MSRB3: variants seen among roughly 807,000 people sequenced by gnomAD.
The protein encoded by MSRB3 is methionine sulfoxide reductase B3, also known as methionine-R-sulfoxide reductase B3.
Under a neutral mutation model 21.0 loss-of-function variants are expected in MSRB3, and 13 were observed. The ratio of observed to expected loss-of-function variants is 0.62; its 90% CI spans 0.40 to 0.98. MSRB3 has a LOEUF of 0.98. Ranked by LOEUF, MSRB3 falls within the 50% of genes least tolerant of loss-of-function variation. The pLI is 0.00. For synonymous variants in MSRB3, 87 were observed against 88.6 expected (o/e 0.98, Z 0.10); for missense variants, 199 against 230.3 (o/e 0.86, Z 0.88).
At chr12:65,355,133 G>A (rs1378170513) in intron 4 of MSRB3, among the ~76,000 whole-genome samples, 1 of 151,822 alleles carries the variant, frequency 6.6e-6, no homozygotes, top group African/African-American at 2.4e-5. Flanking sequence ...TTCTCCTTCT[G>A]GGGGATAGGA....
chr12:65,435,818 C>T (rs1429057125), intron 5 of MSRB3, among the ~76,000 whole-genome samples: 1 of 151,630 alleles, frequency 6.6e-6, no homozygotes. Context: ...AGTTAGTAAC[C>T]CAAGGTCTGT....
At chr12:65,409,728 C>A (rs1040129651) in intron 5 of MSRB3, among the ~76,000 whole-genome samples, 12 of 152,036 alleles carry the variant, frequency 7.9e-5, no homozygotes, top group African/African-American at 2.9e-4. Flanking sequence ...TACTTCAAAG[C>A]CATATTATCA....
chr12:65,399,191 T>C (rs2136597835), intron 5 of MSRB3, among the ~76,000 whole-genome samples: 1 of 152,332 alleles, frequency 6.6e-6, no homozygotes. Flanking sequence ...ATAAATTACT[T>C]TGAGCCGTAC....
At chr12:65,325,357 G>A (rs957604306) in intron 2 of MSRB3, among the ~76,000 whole-genome samples, 1 of 152,208 alleles carries the variant, frequency 6.6e-6, no homozygotes, top group African/African-American at 2.4e-5. Flanking sequence ...GATCTTTGCA[G>A]GCCAGGGAAG....
chr12:65,422,281 A>G (rs1881341845), intron 5 of MSRB3, among the ~76,000 whole-genome samples: 1 of 151,532 alleles, frequency 6.6e-6, no homozygotes, highest in East Asian at 1.9e-4. Context: ...TAGTAGGGTA[A>G]GACTTCAGCA....
intron 1 of MSRB3, among the ~76,000 whole-genome samples, chr12:65,281,243 C>T (rs1871998443): frequency 6.6e-6 from 1 of 151,932 alleles, no homozygotes; most frequent in South Asian, 2.1e-4. Flanking sequence ...TTTATCTGCA[C>T]CTGTATAATT....
At chr12:65,329,561 A>G (rs927633636) in intron 4 of MSRB3, among the ~76,000 whole-genome samples, 45 of 152,166 alleles carry the variant, frequency 3.0e-4, no homozygotes, top group African/African-American at 1.0e-3. Context: ...GAGGCAGGAG[A>G]ATCACTTGAA....
chr12:65,366,178 G>A (rs1315264354), intron 4 of MSRB3, among the ~76,000 whole-genome samples: 1 of 152,180 alleles, frequency 6.6e-6, no homozygotes, highest in Non-Finnish European at 1.5e-5. Flanking sequence ...ATGTGAAGAA[G>A]TATTGAGACA....
intron 5 of MSRB3, among the ~76,000 whole-genome samples, chr12:65,386,473 A>G (rs908568309): frequency 6.6e-6 from 1 of 151,940 alleles, no homozygotes; most frequent in African/African-American, 2.4e-5. Context: ...AATTTAGTTT[A>G]TAACTCATTT....
intron 1 of MSRB3, among the ~76,000 whole-genome samples, chr12:65,297,405 A>T (rs1277314176): frequency 6.6e-6 from 1 of 152,138 alleles, no homozygotes; most frequent in Non-Finnish European, 1.5e-5. Context: ...AATAGAATCC[A>T]TTCTGCATAT....
chr12:65,361,603 A>T (rs1877710788), intron 4 of MSRB3, among the ~76,000 whole-genome samples: 1 of 152,042 alleles, frequency 6.6e-6, no homozygotes, highest in African/African-American at 2.4e-5. Flanking sequence ...GTTCTCCCAG[A>T]TATTAATGTT....
intron 5 of MSRB3, among the ~76,000 whole-genome samples, chr12:65,403,789 G>A (rs780029454): frequency 6.6e-6 from 1 of 152,164 alleles, no homozygotes; most frequent in Non-Finnish European, 1.5e-5. Flanking sequence ...TGGAAAACAC[G>A]CAGTATCTGT....
intron 1 of MSRB3, among the ~76,000 whole-genome samples, chr12:65,295,346 A>C (rs1234421684): frequency 6.6e-6 from 1 of 152,218 alleles, no homozygotes; most frequent in Non-Finnish European, 1.5e-5. Flanking sequence ...GTAGATCCAC[A>C]TGACTATTGT....
rs201563025 is a variant in MSRB3 at position 65,404,174 on chromosome 12, C to G, written c.292+35148C>G. Among the ~76,000 whole-genome samples the G allele has an allele frequency of 5.9e-5, 9 of 152,206 alleles. No homozygotes were observed. The East Asian group carries it at 1.5e-3, about 26-fold the overall frequency. ...CACTACAATCTCAAATTCCTGTGCT[C>G]AAGTTATTTTCTTGCTTCACCTTTT... On this transcript the variant is annotated intron_variant, in intron 5 of 6. Coordinates refer to ENST00000308259, the MANE Select transcript of MSRB3 (RefSeq NM_001031679.3).
At chr12:65,331,034 G>A (rs768863207) in intron 4 of MSRB3, among the ~76,000 whole-genome samples, 6 of 152,120 alleles carry the variant, frequency 3.9e-5, no homozygotes, top group Non-Finnish European at 8.8e-5. Context: ...AAATTATATG[G>A]TGGACTTCAT....
At chr12:65,410,846 A>G (rs1222657660) in intron 5 of MSRB3, among the ~76,000 whole-genome samples, 1 of 152,190 alleles carries the variant, frequency 6.6e-6, no homozygotes, top group East Asian at 1.9e-4. Flanking sequence ...CTGTTTGTAT[A>G]TTTTTAAACA....
At chr12:65,431,244 C>A (rs905072952) in intron 5 of MSRB3, among the ~76,000 whole-genome samples, 4 of 151,998 alleles carry the variant, frequency 2.6e-5, no homozygotes, top group African/African-American at 9.7e-5. Context: ...CAGGTTGACT[C>A]CTGTTTTTCA....
chr12:65,335,670 G>A lies in MSRB3; in HGVS notation c.263+7067G>A, dbSNP rs571605343. 1.8e-4 allele frequency among the ~76,000 whole-genome samples: 27 copies of A among 152,104 alleles called. No individual in the cohort carries two copies. The East Asian group carries it at 3.3e-3, about 18-fold the overall frequency. Reference sequence around the variant, plus strand: ...ACAGTGAGAAGATAAGAGTTTTCCCGTTTTCCTCTCTACTCAAATCCCGTC... The same window carrying A: ...ACAGTGAGAAGATAAGAGTTTTCCCATTTTCCTCTCTACTCAAATCCCGTC... On this transcript the variant is annotated intron_variant, in intron 4 of 6. Transcript: ENST00000308259.
At chr12:65,290,770 A>G (rs1872623340) in intron 1 of MSRB3, among the ~76,000 whole-genome samples, 1 of 152,076 alleles carries the variant, frequency 6.6e-6, no homozygotes, top group South Asian at 2.1e-4. Flanking sequence ...ATGACCTTAG[A>G]TGAATCACTT....
Sources: allele counts gnomAD v4.1 joint callset (sites outside exome capture counted in the v4.1 genomes callset), GRCh38; gene constraint gnomAD v4.1.1; transcripts MANE v1.5; gene names NCBI Gene and HGNC (gene_info 2026-07-23, HGNC 2026-07-21).